HPGD: variants seen among roughly 807,000 people sequenced by gnomAD.
HPGD encodes 15-hydroxyprostaglandin dehydrogenase [NAD(+)].
Under a neutral mutation model 30.0 loss-of-function variants are expected in HPGD, and 29 were observed. The ratio of observed to expected loss-of-function variants is 0.97; its 90% CI spans 0.72 to 1.32. The LOEUF (loss-of-function observed/expected upper bound fraction) is 1.32. Among genes scored for constraint, HPGD ranks in the 40% most tolerant of loss-of-function variants. The pLI, the probability that HPGD is intolerant of heterozygous loss-of-function variation, is 0.00. For synonymous variants in HPGD, 99 were observed against 112.4 expected, an observed-to-expected ratio of 0.88 and a Z score of 0.75; for missense variants, 340 against 322.1, an observed-to-expected ratio of 1.06 and a Z score of -0.43.
intron 3 of HPGD, 72 bp from the exon 4 acceptor site, chr4:174,508,864 T>G (rs1735326485): frequency 1.2e-6 from 1 of 820,964 alleles, no homozygotes; most frequent in Non-Finnish European, 2.2e-6. Flanking sequence ...CACCAAAGTT[T>G]TTATAGCTAT....
At chr4:174,502,735 AC>A (rs1383188064) in intron 4 of HPGD, among the ~76,000 whole-genome samples, 6 of 151,826 alleles carry the variant, frequency 4.0e-5, no homozygotes, top group Admixed American at 3.9e-4. Context: ...ATATTCTATA[AC>A]AAAAATCTTC....
rs1459031794 is a variant in HPGD at position 174,495,602 on chromosome 4, C to A, written c.444G>T (p.Gln148His). ...SLAGLMPVAQ[Q>H]PVYCASKHGI... ...CATGCTTTGAAGCACAATAAACCGG[C>A]TGCTGTGCAACGGGCATGAGTCCTG... The change falls in exon 5 of 7, where the codon CAG (glutamine) becomes CAT (histidine). Residue 148 changes from glutamine (Q) to histidine (H), a missense_variant. Physicochemically the swap from Gln to His is conservative, Grantham distance 24. Transcript: ENST00000296522. 5 of 1,613,644 alleles carry A rather than the reference C, an allele frequency of 3.1e-6. No individual in the cohort carries two copies. The highest frequency in any genetic ancestry group is 3.4e-6 in the Non-Finnish European group (4 of 1,179,734).
At position 174,496,939 on chromosome 4, in the gene HPGD, CATT is replaced by C. The variant is rs377677908; in HGVS notation, c.422-1318_422-1316del. ...GTTAATATGTTGCTTCTCTTGTTGT[CATT>C]GTTGTTGTTAAGTAAAATGTGTAAG... On this transcript the variant is annotated intron_variant, in intron 4 of 6. Transcript: ENST00000296522. This position sits in a 1 kb window ranked among gnomAD's most constrained non-coding sequence, Gnocchi z 4.6. 2.0e-3 allele frequency among the ~76,000 whole-genome samples: 308 copies of C among 152,272 alleles called. 1 individual carries two copies. The highest frequency in any genetic ancestry group is 7.0e-3 in the African/African-American group (289 of 41,556).
At chr4:174,522,617 G>T (rs1736224695), upstream of HPGD, 1 of 520,836 alleles carries the variant, frequency 1.9e-6, no homozygotes, top group African/African-American at 2.0e-5. Flanking sequence ...ACCCACGACT[G>T]TGTCACCTGC....
rs1464264834 is a variant in HPGD, at chr4:174,491,617, T to C, written c.*339A>G. ...TTAAATAACAATTCAAGTATCTCCT[T>C]TAAAATGATGTTCTGAAGAACATTA... On this transcript the variant is annotated 3_prime_UTR_variant, in exon 7 of 7. Transcript: ENST00000296522. The C allele has an allele frequency of 4.4e-6, 1 of 227,436 alleles. No individual in the cohort carries two copies. The highest frequency in any genetic ancestry group is 2.3e-5 in the African/African-American group (1 of 43,790). The allele number at this position is 227,436 out of a possible 1,614,324, so 14.1% of individuals were successfully genotyped here.
chr4:174,519,729 C>T (rs1218345972), intron 2 of HPGD, among the ~76,000 whole-genome samples: 2 of 152,088 alleles, frequency 1.3e-5, no homozygotes, highest in African/African-American at 2.4e-5. Flanking sequence ...CCCCTTTTTC[C>T]TTTACCTACC....
chr4:174,493,077 C>A, intron 6 of HPGD, 74 bp downstream of exon 6: 1 of 1,332,720 alleles, frequency 7.5e-7, no homozygotes, highest in Non-Finnish European at 1.0e-6. Flanking sequence ...AAGCTTATTT[C>A]TTCCCTTTTT....
At chr4:174,507,884 A>G in intron 4 of HPGD, 2 of 481,128 alleles carry the variant, frequency 4.2e-6, no homozygotes, top group South Asian at 8.2e-5. Context: ...AAAGATGATT[A>G]GCTGCCCTCT....
intron 3 of HPGD, among the ~76,000 whole-genome samples, chr4:174,516,019 A>G (rs1735752664): frequency 6.6e-6 from 1 of 152,198 alleles, no homozygotes; most frequent in Non-Finnish European, 1.5e-5. Flanking sequence ...TGTAGAGAAA[A>G]GGGAACACTT....
chr4:174,498,899 T>G (rs1178761065), intron 4 of HPGD, among the ~76,000 whole-genome samples: 1 of 152,196 alleles, frequency 6.6e-6, no homozygotes, highest in Non-Finnish European at 1.5e-5. Flanking sequence ...GGAGAAAAGC[T>G]CTTGTTGTTT....
intron 1 of HPGD, 137 bp downstream of exon 1, chr4:174,522,222 G>A: frequency 1.4e-6 from 2 of 1,420,328 alleles, no homozygotes; most frequent in Non-Finnish European, 2.0e-6. Context: ...CACAGCCTCA[G>A]CTTCAGCAAA....
chr4:174,500,165 T>C (rs1208485503), intron 4 of HPGD, among the ~76,000 whole-genome samples: 1 of 152,156 alleles, frequency 6.6e-6, no homozygotes, highest in Non-Finnish European at 1.5e-5. Context: ...GAAAATATGA[T>C]AAATATCAGA....
chr4:174,522,347 CG>C lies in HPGD; in HGVS notation c.93+11del. 6.4e-7 allele frequency: 1 copy of C among 1,554,284 alleles called. No individual in the cohort carries two copies. Among genetic ancestry groups the C allele is most frequent in the Non-Finnish European group, 8.7e-7 (1 of 1,148,524 alleles). Reference sequence around the variant, plus strand: ...GGGCAGAGAAATTTCCGCGGCTGGGCGCCGGGCTTACCTTGGCGCCCTTAAG... The same window carrying C: ...GGGCAGAGAAATTTCCGCGGCTGGGCCCGGGCTTACCTTGGCGCCCTTAAG... On this transcript the variant is annotated intron_variant, in intron 1 of 6. Transcript: ENST00000296522.
chr4:174,518,864 C>T (rs921726956), intron 2 of HPGD, among the ~76,000 whole-genome samples: 1 of 152,160 alleles, frequency 6.6e-6, no homozygotes. Context: ...TTGATTTAAA[C>T]TGTTTCCCCG....
intron 3 of HPGD, among the ~76,000 whole-genome samples, chr4:174,513,282 A>G (rs942349806): frequency 6.6e-6 from 1 of 152,182 alleles, no homozygotes; most frequent in African/African-American, 2.4e-5. Context: ...TTCAAAGAAA[A>G]TCTCGTCATT....
At chr4:174,511,792 G>A (rs1354127857) in intron 3 of HPGD, among the ~76,000 whole-genome samples, 1 of 152,128 alleles carries the variant, frequency 6.6e-6, no homozygotes, top group Non-Finnish European at 1.5e-5. Context: ...GACTACAGGC[G>A]TCCGCCACCA....
At chr4:174,497,065 A>G (rs1734633352) in intron 4 of HPGD, among the ~76,000 whole-genome samples, 1 of 152,244 alleles carries the variant, frequency 6.6e-6, no homozygotes, top group African/African-American at 2.4e-5. Flanking sequence ...ATAAAAAAGT[A>G]TAACCAGGAG....
intron 4 of HPGD, among the ~76,000 whole-genome samples, chr4:174,503,730 T>C (rs925450300): frequency 6.6e-6 from 1 of 152,016 alleles, no homozygotes. Context: ...TTTTTTTTTT[T>C]TTTCTTTTGA....
chr4:174,517,448 T>C (rs577253418), intron 3 of HPGD, among the ~76,000 whole-genome samples: 5 of 152,322 alleles, frequency 3.3e-5, no homozygotes, highest in African/African-American at 7.2e-5. Context: ...AAGGGCCAGA[T>C]TGTAAATATT....
Sources: allele counts gnomAD v4.1 joint callset (sites outside exome capture counted in the v4.1 genomes callset), GRCh38; gene constraint gnomAD v4.1.1; non-coding constraint Gnocchi (gnomAD v3.1); transcripts MANE v1.5; gene names NCBI Gene and HGNC (gene_info 2026-07-23, HGNC 2026-07-21).